PTPRD: variants seen among roughly 807,000 people sequenced by gnomAD.
PTPRD encodes the protein receptor-type tyrosine-protein phosphatase delta.
Under a neutral mutation model 214.5 loss-of-function variants are expected in PTPRD, and 34 were observed. The ratio of observed to expected loss-of-function variants is 0.16; its 90% CI spans 0.12 to 0.21. The LOEUF (loss-of-function observed/expected upper bound fraction) is 0.21. Among genes scored for constraint, PTPRD ranks in the 10% least tolerant of loss-of-function variants. PTPRD has a pLI of 1.00. For synonymous variants in PTPRD, 1,128 were observed against 845.7 expected (o/e 1.33, Z -5.79); for missense variants, 2,545 against 2,398.7 (o/e 1.06, Z -1.27).
intron 2 of PTPRD, among the ~76,000 whole-genome samples, chr9:10,397,342 T>A (rs2098190578): frequency 6.6e-6 from 1 of 151,990 alleles, no homozygotes; most frequent in Non-Finnish European, 1.5e-5. Context: ...AACATGTAAG[T>A]GTCCCAGCAA....
At chr9:8,894,319 C>T (rs1170781552) in intron 11 of PTPRD, among the ~76,000 whole-genome samples, 2 of 93,284 alleles carry the variant, frequency 2.1e-5, no homozygotes, top group Non-Finnish European at 5.2e-5. Flanking sequence ...CACCCCACTG[C>T]ATTCTAGCTT....
intron 9 of PTPRD, among the ~76,000 whole-genome samples, chr9:9,339,274 G>A (rs1255665589): frequency 6.6e-6 from 1 of 151,378 alleles, no homozygotes; most frequent in Non-Finnish European, 1.5e-5. Context: ...TCAGGAGATC[G>A]AGACCATCCT....
At chr9:10,009,123 A>T (rs1479344776) in intron 4 of PTPRD, among the ~76,000 whole-genome samples, 2 of 152,024 alleles carry the variant, frequency 1.3e-5, no homozygotes, top group East Asian at 3.9e-4. Context: ...AATTAATGCA[A>T]TTCTGTTGAC....
chr9:9,009,136 A>G lies in PTPRD; in HGVS notation c.-104+9561T>C, dbSNP rs146128822. On this transcript the variant is annotated intron_variant, in intron 11 of 45. Transcript: ENST00000381196. ...CAAATCATTCTCTCATTCACCTAAA[A>G]TTTTATTTAGGATTTTTTTTTCCAA... 7.4e-3 allele frequency among the ~76,000 whole-genome samples: 768 copies of G among 103,496 alleles called. 8 individuals are homozygous for G. Among genetic ancestry groups the G allele is most frequent in the African/African-American group, 0.02 (734 of 36,778 alleles). 67.9% of individuals were successfully genotyped at this position (103,496 alleles called of 152,430 possible). A position where few individuals can be genotyped will look rare whatever the true frequency, so the allele number is the denominator to read the frequency against.
chr9:10,576,575 C>A (rs1285466338), intron 2 of PTPRD, among the ~76,000 whole-genome samples: 1 of 152,054 alleles, frequency 6.6e-6, no homozygotes, highest in African/African-American at 2.4e-5. Flanking sequence ...TTAGACTAGG[C>A]TACATTTGAT....
intron 21 of PTPRD, among the ~76,000 whole-genome samples, chr9:8,516,301 C>CT (rs2097779708): frequency 6.6e-6 from 1 of 152,014 alleles, no homozygotes; most frequent in African/African-American, 2.4e-5. Context: ...GCAAATGGCA[C>CT]ACAGAGAAGA....
intron 33 of PTPRD, among the ~76,000 whole-genome samples, chr9:8,456,184 A>G (rs964631209): frequency 2.6e-5 from 4 of 152,194 alleles, no homozygotes; most frequent in Non-Finnish European, 5.9e-5. Context: ...AATGAATAAG[A>G]CAGAGTCCTT....
intron 9 of PTPRD, among the ~76,000 whole-genome samples, chr9:9,374,400 C>G (rs1165524612): frequency 6.6e-6 from 1 of 151,808 alleles, no homozygotes; most frequent in Non-Finnish European, 1.5e-5. Flanking sequence ...TATAGAATTT[C>G]AAAAGAAGAA....
At chr9:8,443,460 A>C (rs965837297) in intron 34 of PTPRD, among the ~76,000 whole-genome samples, 2 of 152,210 alleles carry the variant, frequency 1.3e-5, no homozygotes, top group African/African-American at 4.8e-5. Flanking sequence ...TGCTGCTGAT[A>C]CCACTATTTC....
chr9:9,967,864 A>G (rs2094815773), intron 4 of PTPRD, among the ~76,000 whole-genome samples: 1 of 152,200 alleles, frequency 6.6e-6, no homozygotes, highest in Non-Finnish European at 1.5e-5. Context: ...GCAAAAATTA[A>G]TAGGTTTTAC....
At chr9:9,347,755 T>C (rs182033871) in intron 9 of PTPRD, among the ~76,000 whole-genome samples, 2 of 152,290 alleles carry the variant, frequency 1.3e-5, no homozygotes, top group Admixed American at 6.5e-5. Flanking sequence ...TTCTTATGAA[T>C]TTCAACACTG....
At chr9:8,944,916 G>A (rs538318516) in intron 11 of PTPRD, among the ~76,000 whole-genome samples, 5 of 152,054 alleles carry the variant, frequency 3.3e-5, no homozygotes, top group East Asian at 1.9e-4. Context: ...TGGAATGTTC[G>A]TAACACAAAG....
chr9:8,492,795 A>G, intron 27 of PTPRD, 67 bp downstream of exon 27: 1 of 1,096,928 alleles, frequency 9.1e-7, no homozygotes, highest in Non-Finnish European at 1.3e-6. Flanking sequence ...GCCTGCTAGA[A>G]GCTACCTATA....
At chr9:10,548,742 A>G (rs2060682114) in intron 2 of PTPRD, among the ~76,000 whole-genome samples, 1 of 14,792 alleles carries the variant, frequency 6.8e-5, no homozygotes, top group East Asian at 1.1e-3. Context: ...AACTTTGAGC[A>G]ACATCTTAGA....
intron 7 of PTPRD, among the ~76,000 whole-genome samples, chr9:9,716,367 C>A (rs1483833765): frequency 1.3e-5 from 2 of 151,260 alleles, no homozygotes; most frequent in Non-Finnish European, 2.9e-5. Context: ...GGGTATATAC[C>A]CAGTAATGGG....
chr9:10,121,306 GT>G (rs142830866), intron 3 of PTPRD, among the ~76,000 whole-genome samples: 8,761 of 152,174 alleles, frequency 0.058, 322 homozygotes, highest in Admixed American at 0.1. Flanking sequence ...TGATTCCAAA[GT>G]TTTTTAGAGT....
At chr9:9,584,181 C>T (rs369446566) in intron 7 of PTPRD, among the ~76,000 whole-genome samples, 7 of 151,872 alleles carry the variant, frequency 4.6e-5, no homozygotes, top group African/African-American at 1.7e-4. Flanking sequence ...TCCTAAGCCA[C>T]GGTTTGTTTA....
intron 4 of PTPRD, among the ~76,000 whole-genome samples, chr9:9,969,499 T>G (rs1488646741): frequency 6.6e-6 from 1 of 152,246 alleles, no homozygotes; most frequent in African/African-American, 2.4e-5. Context: ...CAACCTCTGC[T>G]TTTAATGGAG....
rs531266026 is a variant in PTPRD at position 9,658,691 on chromosome 9, A to C, written c.-287+75842T>G. Among the ~76,000 whole-genome samples, 9 of 152,172 alleles carry C rather than the reference A, an allele frequency of 5.9e-5. No individual in the cohort carries two copies. In the South Asian group the frequency reaches 1.9e-3, roughly 32 times the overall value. On this transcript the variant is annotated intron_variant, in intron 7 of 45. Transcript: ENST00000381196. ...AAATGCCACCATTCAAGAGTCATTA[A>C]GTAGCTTAAGATATTTTATCCTGGT... is the stretch of plus-strand genomic sequence containing the variant.
Sources: allele counts gnomAD v4.1 joint callset (sites outside exome capture counted in the v4.1 genomes callset), GRCh38; gene constraint gnomAD v4.1.1; transcripts MANE v1.5; gene names NCBI Gene and HGNC (gene_info 2026-07-23, HGNC 2026-07-21).